The following ENOX2 variants were observed in gnomAD, a reference collection of about 807,000 sequenced individuals.
ENOX2 encodes APK1 antigen.
ENOX2 carries 36 observed loss-of-function variants against 45.0 expected under a neutral mutation model. The ratio of observed to expected loss-of-function variants is 0.80; its 90% confidence interval spans 0.61 to 1.06. The LOEUF is 1.06. Among genes scored for constraint, ENOX2 ranks in the 50% least tolerant of loss-of-function variants. The pLI is 0.00. For synonymous variants in ENOX2, 174 were observed against 152.3 expected, an observed-to-expected ratio of 1.14 and a Z score of -1.05; for missense variants, 423 against 462.5, an observed-to-expected ratio of 0.91 and a Z score of 0.78.
intron 10 of ENOX2, among the ~76,000 whole-genome samples, chrX:130,637,695 C>T (rs764350827): frequency 9.0e-6 from 1 of 111,624 alleles, no homozygotes; most frequent in Non-Finnish European, 1.9e-5. Context: ...AATAACAGCC[C>T]TATAATAATA....
At chrX:130,852,402 C>T (rs964095762) in intron 2 of ENOX2, among the ~76,000 whole-genome samples, 14 of 111,829 alleles carry the variant, frequency 1.3e-4, no homozygotes, top group Non-Finnish European at 2.3e-4. Flanking sequence ...CTGACACTTT[C>T]CAAGGAGAGA....
chrX:130,870,940 G>T (rs1196038769), intron 2 of ENOX2, among the ~76,000 whole-genome samples: 1 of 109,322 alleles, frequency 9.1e-6, no homozygotes, highest in Non-Finnish European at 1.9e-5. Flanking sequence ...CGGAGAGAGA[G>T]AGACAGAGAG....
intron 2 of ENOX2, among the ~76,000 whole-genome samples, chrX:130,839,634 CAAGCTG>C (rs1389948012): frequency 1.3e-4 from 14 of 110,896 alleles, no homozygotes; most frequent in Admixed American, 7.7e-4. Context: ...ATTATATATC[CAAGCTG>C]AAGGGGAAAG....
chrX:130,644,558 C>T (rs1179819225), intron 10 of ENOX2, among the ~76,000 whole-genome samples: 6 of 110,046 alleles, frequency 5.5e-5, no homozygotes, highest in Admixed American at 9.7e-5. Flanking sequence ...TTATTCAGTG[C>T]TAAAAAGAAA....
chrX:130,804,148 G>A (rs2077263077), intron 2 of ENOX2, among the ~76,000 whole-genome samples: 1 of 111,802 alleles, frequency 8.9e-6, no homozygotes. Context: ...TGAGGCAGCA[G>A]AATGGAGAAT....
intron 3 of ENOX2, among the ~76,000 whole-genome samples, chrX:130,779,809 A>G (rs781066076): frequency 1.8e-5 from 2 of 111,861 alleles, no homozygotes; most frequent in Non-Finnish European, 3.8e-5. Flanking sequence ...GGGAGTTATA[A>G]CTGAGTTGAA....
At chrX:130,650,188 A>G (rs1350494386) in intron 10 of ENOX2, among the ~76,000 whole-genome samples, 1 of 112,365 alleles carries the variant, frequency 8.9e-6, no homozygotes, top group Non-Finnish European at 1.9e-5. Flanking sequence ...AAAAGGGCAG[A>G]GATCTAGGAG....
intron 2 of ENOX2, among the ~76,000 whole-genome samples, chrX:130,861,437 T>G (rs2148536482): frequency 9.0e-6 from 1 of 111,485 alleles, no homozygotes; most frequent in South Asian, 3.8e-4. Context: ...AATTATCTAG[T>G]CTTAAAAAGA....
chrX:130,828,813 G>A (rs913928529), intron 2 of ENOX2, among the ~76,000 whole-genome samples: 4 of 111,308 alleles, frequency 3.6e-5, no homozygotes, highest in Non-Finnish European at 7.6e-5. Context: ...AATGGCCAAC[G>A]TCCTGGGATC....
At chrX:130,672,069 A>C (rs2148131252) in intron 6 of ENOX2, among the ~76,000 whole-genome samples, 1 of 111,799 alleles carries the variant, frequency 8.9e-6, no homozygotes, top group African/African-American at 3.2e-5. Flanking sequence ...TTGATTTCAC[A>C]TGCTCAAGAA....
At position 130,624,984 on chromosome X, in the gene ENOX2, TA is replaced by T. The variant is rs902914216; in HGVS notation, c.*329del. 5 of 149,260 alleles carry T rather than the reference TA, an allele frequency of 3.3e-5. No homozygotes were observed. Among genetic ancestry groups the T allele is most frequent in the African/African-American group, 1.3e-4 (4 of 31,910 alleles). 12.3% of individuals were successfully genotyped at this position (149,260 alleles called of 1,213,427 possible). ...TCAAAACATTTCAGTTAACAGTGTTTAAAAAAATACCAAGGTCTACAACAGT... is the reference window on the plus strand; with the variant it reads ...TCAAAACATTTCAGTTAACAGTGTTTAAAAAATACCAAGGTCTACAACAGT... On this transcript the variant is annotated 3_prime_UTR_variant, in exon 15 of 15. Coordinates refer to ENST00000394363, the MANE Select transcript of ENOX2 (RefSeq NM_006375.4).
chrX:130,779,103 GT>G (rs1201530184), intron 3 of ENOX2, among the ~76,000 whole-genome samples: 2 of 112,581 alleles, frequency 1.8e-5, no homozygotes, highest in Non-Finnish European at 3.8e-5. Context: ...CCAGGAGGCA[GT>G]TGGCAACTTT....
chrX:130,640,738 G>A (rs1353514381), intron 10 of ENOX2, among the ~76,000 whole-genome samples: 2 of 110,916 alleles, frequency 1.8e-5, no homozygotes, highest in African/African-American at 6.6e-5. Flanking sequence ...AACAACACAC[G>A]CTGGGGCTTG....
chrX:130,900,741 T>C (rs2079132277), intron 2 of ENOX2, among the ~76,000 whole-genome samples: 2 of 112,021 alleles, frequency 1.8e-5, no homozygotes, highest in African/African-American at 6.5e-5. Flanking sequence ...TCCCCGAGTC[T>C]CCCTTACAGT....
At chrX:130,625,972 A>G (rs2035536905) in intron 14 of ENOX2, among the ~76,000 whole-genome samples, 1 of 110,770 alleles carries the variant, frequency 9.0e-6, no homozygotes, top group Non-Finnish European at 1.9e-5. Flanking sequence ...AAACAAAAAC[A>G]AATCTGTGGA....
Position 130,623,709 on chromosome X carries a change from G to C in ENOX2, c.*1605C>G, listed in dbSNP as rs2035474818. The stretch of plus-strand genomic sequence containing the variant: ...AGTGTAAAATTAACCTGAGCTTCCT[G>C]CTGGTGCCACAGCAGGGTGCTTCAG... On this transcript the variant is annotated 3_prime_UTR_variant, in exon 15 of 15. Coordinates refer to ENST00000394363, the MANE Select transcript of ENOX2 (RefSeq NM_006375.4). 1 of 111,400 alleles carries C rather than the reference G, an allele frequency of 9.0e-6. No individual in the cohort carries two copies. Among genetic ancestry groups the C allele is most frequent in the African/African-American group, 3.3e-5 (1 of 30,614 alleles). 9.2% of individuals were successfully genotyped at this position (111,400 alleles called of 1,213,427 possible).
chrX:130,854,734 A>G (rs1340762744), intron 2 of ENOX2, among the ~76,000 whole-genome samples: 1 of 112,062 alleles, frequency 8.9e-6, no homozygotes. Context: ...TGTCCAATTG[A>G]GGCTTATTAC....
chrX:130,698,662 C>T (rs1015853178), intron 4 of ENOX2, among the ~76,000 whole-genome samples: 3 of 111,526 alleles, frequency 2.7e-5, no homozygotes, highest in East Asian at 2.8e-4. Context: ...TAATACAAAC[C>T]GAAGTCCAGG....
chrX:130,846,710 T>C (rs1456756247), intron 2 of ENOX2, among the ~76,000 whole-genome samples: 1 of 112,897 alleles, frequency 8.9e-6, no homozygotes, highest in Admixed American at 9.3e-5. Context: ...GGAATTTATA[T>C]GTTCAGTTTA....
Sources: gnomAD v4.1 joint callset for allele counts (sites outside exome capture counted in the v4.1 genomes callset) on GRCh38, gnomAD v4.1.1 for gene constraint, MANE v1.5 for transcripts, NCBI Gene and HGNC (gene_info 2026-07-23, HGNC 2026-07-21) for gene names.